Variants in PRIM2 observed in about 807,000 individuals in gnomAD.
PRIM2 encodes DNA primase large subunit.
In PRIM2, 39 loss-of-function variants were observed where a neutral mutation model predicts 67.3. That is an observed-to-expected ratio of 0.58 (90% CI 0.45 to 0.76). PRIM2 has a LOEUF of 0.76. PRIM2 is among the 30% of genes least tolerant of loss of function. The pLI is 0.00. For synonymous variants in PRIM2, 143 were observed against 198.7 expected, an observed-to-expected ratio of 0.72 and a Z score of 2.36; for missense variants, 398 against 598.7, an observed-to-expected ratio of 0.66 and a Z score of 3.50.
At chr6:57,459,680 A>G (rs1241821498) in intron 7 of PRIM2, among the ~76,000 whole-genome samples, 1 of 152,212 alleles carries the variant, frequency 6.6e-6, no homozygotes, top group East Asian at 1.9e-4. Flanking sequence ...AAACTTGGGC[A>G]GGATTTCTAT....
At chr6:57,494,921 A>G (rs1220250560) in intron 7 of PRIM2, among the ~76,000 whole-genome samples, 1 of 152,230 alleles carries the variant, frequency 6.6e-6, no homozygotes. Context: ...CAGTGAAGAC[A>G]TTATACTTTT....
chr6:57,565,301 A>G (rs1775716506), intron 10 of PRIM2, among the ~76,000 whole-genome samples: 1 of 148,628 alleles, frequency 6.7e-6, no homozygotes, highest in Admixed American at 6.8e-5. Context: ...TTTGTGTTTT[A>G]GCTATTTTTG....
chr6:57,242,418 T>C, the PRIM2 span, among the ~76,000 whole-genome samples: 4 of 152,220 alleles, frequency 2.6e-5, no homozygotes, highest in Non-Finnish European at 5.9e-5. Context: ...GAGGGAATTA[T>C]TGTAATTTAA....
chr6:57,293,299 C>T, the PRIM2 span, among the ~76,000 whole-genome samples: 2 of 152,150 alleles, frequency 1.3e-5, no homozygotes, highest in African/African-American at 4.8e-5. Context: ...CCATCTCACG[C>T]CTGTTAGAAT....
At chr6:57,261,894 T>C in the PRIM2 span, among the ~76,000 whole-genome samples, 2 of 152,232 alleles carry the variant, frequency 1.3e-5, no homozygotes, top group Admixed American at 1.3e-4. Flanking sequence ...CTTCTATTGC[T>C]GGTCTCTGGG....
chr6:57,564,860 A>G (rs1775706279), intron 10 of PRIM2, among the ~76,000 whole-genome samples: 1 of 152,278 alleles, frequency 6.6e-6, no homozygotes, highest in East Asian at 1.9e-4. Flanking sequence ...TATGAACCAT[A>G]TGGTTTCTGT....
chr6:57,240,094 T>TTTTTTTTG, the PRIM2 span, among the ~76,000 whole-genome samples: 1 of 6,576 alleles, frequency 1.5e-4, no homozygotes, highest in Admixed American at 2.0e-3. Context: ...ATAATCTGTT[T>TTTTTTTTG]TTTTTTTTTT....
At chr6:57,589,574 A>G (rs1776252305) in intron 10 of PRIM2, among the ~76,000 whole-genome samples, 1 of 152,310 alleles carries the variant, frequency 6.6e-6, no homozygotes, top group African/African-American at 2.4e-5. Flanking sequence ...TGAGATTTGA[A>G]TTATTTAGCT....
intron 7 of PRIM2, among the ~76,000 whole-genome samples, chr6:57,401,282 C>CT (rs1770698964): frequency 2.0e-5 from 3 of 150,366 alleles, no homozygotes; most frequent in African/African-American, 7.3e-5. Flanking sequence ...ATTGAGAAGT[C>CT]AATAGACTTC....
At chr6:57,516,429 G>A (rs1554348280) in intron 8 of PRIM2, among the ~76,000 whole-genome samples, 2 of 151,960 alleles carry the variant, frequency 1.3e-5, no homozygotes, top group Non-Finnish European at 2.9e-5. Flanking sequence ...GAATACTAAC[G>A]TTTCCTGGAG....
At chr6:57,418,318 A>G (rs1158115333) in intron 7 of PRIM2, among the ~76,000 whole-genome samples, 3 of 150,116 alleles carry the variant, frequency 2.0e-5, no homozygotes, top group East Asian at 4.0e-4. Context: ...TTAAAAAGAT[A>G]TAGGATGAAT....
intron 5 of PRIM2, among the ~76,000 whole-genome samples, chr6:57,371,440 A>G (rs1355026278): frequency 6.6e-6 from 1 of 152,168 alleles, no homozygotes; most frequent in Admixed American, 6.5e-5. Context: ...AAACATCTGT[A>G]TGTTCAAAGA....
chr6:57,222,333 C>T, the PRIM2 span: 3 of 152,192 alleles, frequency 2.0e-5, no homozygotes, highest in Non-Finnish European at 2.9e-5. Context: ...TGCGCATGCT[C>T]TGTGCGGACC....
At chr6:57,270,792 G>T in the PRIM2 span, among the ~76,000 whole-genome samples, 1 of 152,250 alleles carries the variant, frequency 6.6e-6, no homozygotes, top group African/African-American at 2.4e-5. Context: ...ATTATTTTGA[G>T]ATATGTCCCA....
At chr6:57,295,553 C>A in the PRIM2 span, among the ~76,000 whole-genome samples, 2 of 152,024 alleles carry the variant, frequency 1.3e-5, no homozygotes, top group Non-Finnish European at 2.9e-5. Context: ...TGAATTAGAA[C>A]CATAATTTTT....
intron 10 of PRIM2, among the ~76,000 whole-genome samples, chr6:57,543,053 C>T (rs1222903948): frequency 6.8e-6 from 1 of 146,012 alleles, no homozygotes; most frequent in Non-Finnish European, 1.5e-5. Flanking sequence ...CATTCTCCTG[C>T]CTCAGCCTCC....
At chr6:57,291,255 A>G in the PRIM2 span, among the ~76,000 whole-genome samples, 2 of 152,192 alleles carry the variant, frequency 1.3e-5, no homozygotes, top group African/African-American at 4.8e-5. Context: ...TCTAGAAGAA[A>G]TGGATGAATT....
chr6:57,534,386 G>T (rs1774957004), intron 9 of PRIM2, among the ~76,000 whole-genome samples: 3 of 152,066 alleles, frequency 2.0e-5, no homozygotes, highest in Non-Finnish European at 4.4e-5. Flanking sequence ...TGTTGTTATT[G>T]TTCTTGGCCT....
Position 57,458,398 on chromosome 6 carries a change from T to G in PRIM2, c.694-48989T>G, listed in dbSNP as rs189279710. ...ATATGCCCTGGAAAAGAACTGTGAT[T>G]ATAGAGTGGGTGTTGTGACTCACGC... On this transcript the variant is annotated intron_variant, in intron 7 of 13. Transcript: ENST00000615550. Among the ~76,000 whole-genome samples, 361 of 152,276 alleles carry G rather than the reference T, an allele frequency of 2.4e-3. 3 individuals are homozygous for G. Among genetic ancestry groups the G allele is most frequent in the African/African-American group, 8.2e-3 (341 of 41,556 alleles).
Sources: allele counts gnomAD v4.1 joint callset (sites outside exome capture counted in the v4.1 genomes callset), GRCh38; gene constraint gnomAD v4.1.1; transcripts MANE v1.5; gene names NCBI Gene and HGNC (gene_info 2026-07-23, HGNC 2026-07-21).